Variants in ZNF397 observed in about 807,000 individuals in gnomAD.
ZNF397 encodes the protein zinc finger protein 397.
In ZNF397, 38 loss-of-function variants were observed where a neutral mutation model predicts 50.6. The observed-to-expected ratio is 0.75, with a 90% confidence interval of 0.58 to 0.98. The LOEUF is 0.98. ZNF397 is among the 50% of genes least tolerant of loss of function. ZNF397 has a pLI of 0.00. For missense variants in ZNF397, 624 were observed against 624.1 expected, an observed-to-expected ratio of 1.00 and a Z score of 0.00; for synonymous variants, 228 against 215.2, an observed-to-expected ratio of 1.06 and a Z score of -0.52.
In ZNF397 at chr18:35,242,568, A is replaced by G. The variant is rs1477673556; in HGVS notation, c.98A>G (p.Asp33Gly). The change falls in exon 2 of 4, where the codon GAT becomes GGT. Residue 33 changes from aspartate to glycine, a missense_variant. By Grantham distance (94) the Asp-to-Gly change is moderately conservative. Transcript: ENST00000330501. Reference sequence around the variant, plus strand: ...AAAGTAGAAGATAACTTTTCCTGGGATGAGAAATTTAAGCAGAATGGGAGT... The same window carrying G: ...AAAGTAGAAGATAACTTTTCCTGGGGTGAGAAATTTAAGCAGAATGGGAGT... ...LVKVEDNFSW[D>G]EKFKQNGSTQ... is the part of the protein sequence containing the mutation. 1.9e-6 allele frequency: 3 copies of G among 1,614,124 alleles called. No homozygotes were observed. Among genetic ancestry groups the G allele is most frequent in the South Asian group, 1.1e-5 (1 of 91,090 alleles).
In ZNF397 at chr18:35,242,765, C is replaced by T; in HGVS notation, c.295C>T (p.Leu99=). 6.2e-7 allele frequency: 1 copy of T among 1,614,168 alleles called. No individual in the cohort carries two copies. The highest frequency in any genetic ancestry group is 1.1e-5 in the South Asian group (1 of 91,086). The change falls in exon 2 of 4, where the codon CTG becomes TTG. Residue 99 remains leucine, a synonymous_variant. Transcript: ENST00000330501. Reference sequence around the variant, plus strand: ...AGAACTGCTGGTACTGGAGCAGTTCCTGAGCATTCTGCCTGAGGAGCTGCA... The same window carrying T: ...AGAACTGCTGGTACTGGAGCAGTTCTTGAGCATTCTGCCTGAGGAGCTGCA... ...ILELLVLEQF[L]SILPEELQIW...
intron 5 of ZNF397, among the ~76,000 whole-genome samples, chr18:35,256,019 G>A (rs2043796949): frequency 6.6e-6 from 1 of 152,148 alleles, no homozygotes; most frequent in Admixed American, 6.6e-5. Flanking sequence ...CAATATAATT[G>A]TGTAGGGACA....
chr18:35,244,912 G>A (rs1912819904), intron 3 of ZNF397, among the ~76,000 whole-genome samples: 1 of 152,142 alleles, frequency 6.6e-6, no homozygotes, highest in Non-Finnish European at 1.5e-5. Context: ...GAGGTTGCTT[G>A]AGGGAGATAT....
chr18:35,244,545 G>A (rs1194212308), intron 3 of ZNF397, among the ~76,000 whole-genome samples: 2 of 152,118 alleles, frequency 1.3e-5, no homozygotes, highest in East Asian at 3.9e-4. Context: ...ACAGAATCTG[G>A]AGGAACGCTC....
In ZNF397 at chr18:35,247,155, T is replaced by G. The variant is rs2043495798; in HGVS notation, c.*845T>G. 1.0e-6 allele frequency: 1 copy of G among 985,410 alleles called. No homozygotes were observed. Among genetic ancestry groups the G allele is most frequent in the Non-Finnish European group, 1.2e-6 (1 of 830,012 alleles). The allele number at this position is 985,410 out of a possible 1,614,324, so 61.0% of individuals were successfully genotyped here. A position where few individuals can be genotyped will look rare whatever the true frequency, so the allele number is the denominator to read the frequency against. On this transcript the variant is annotated 3_prime_UTR_variant, in exon 4 of 4. Coordinates refer to ENST00000330501, the MANE Select transcript of ZNF397 (RefSeq NM_001135178.3). ...GAGTTCCTGTTGTAGTGAGGTCTTG[T>G]CTGTCAGAGAAGTCTGGGTCTGGCC...
downstream of ZNF397, chr18:35,254,540 G>T: frequency 7.1e-7 from 1 of 1,411,528 alleles, no homozygotes; most frequent in Non-Finnish European, 9.6e-7. Context: ...GTGGCCTGGG[G>T]TAGCCAAATA....
Position 35,246,837 on chromosome 18 carries a change from T to G in ZNF397, c.*527T>G. The stretch of plus-strand genomic sequence containing the variant: ...ATTAGATAGGCATGAGAAGAAAGAA[T>G]ATAATTTACCCAAAGGTTATTTTTT... On this transcript the variant is annotated 3_prime_UTR_variant, in exon 4 of 4. Coordinates refer to ENST00000330501, the MANE Select transcript of ZNF397 (RefSeq NM_001135178.3). 1 of 985,666 alleles carries G rather than the reference T, an allele frequency of 1.0e-6. No individual in the cohort carries two copies. Among genetic ancestry groups the G allele is most frequent in the African/African-American group, 1.7e-5 (1 of 57,256 alleles). The allele number at this position is 985,666 out of a possible 1,614,324, so 61.1% of individuals were successfully genotyped here.
chr18:35,251,624 C>G (rs1423688052), downstream of ZNF397: 1 of 152,118 alleles, frequency 6.6e-6, no homozygotes, highest in Non-Finnish European at 1.5e-5. Context: ...CCCCCTTGTT[C>G]TCATGATAGT....
chr18:35,254,319 A>C (rs144391031), downstream of ZNF397: 22 of 1,613,898 alleles, frequency 1.4e-5, no homozygotes, highest in African/African-American at 2.8e-4. Flanking sequence ...ATAGCTGCTG[A>C]GGCTACACAT....
rs545134142 is a variant in ZNF397 at position 35,256,163 on chromosome 18, G to A, written c.817+1761G>A. 2.0e-5 allele frequency: 3 copies of A among 152,514 alleles called. No individual in the cohort carries two copies. The East Asian group carries it at 5.8e-4, about 29-fold the overall frequency. 9.4% of individuals were successfully genotyped at this position (152,514 alleles called of 1,614,324 possible). A position where few individuals can be genotyped will look rare whatever the true frequency, so the allele number is the denominator to read the frequency against. On this transcript the variant is annotated intron_variant, in intron 5 of 5. Transcript: ENST00000261333. Reference sequence around the variant, plus strand: ...TGTCCTCAGATGTATACATCAGGAAGACATCAAGATTTTTATTTGTTCAAC... The same window carrying A: ...TGTCCTCAGATGTATACATCAGGAAAACATCAAGATTTTTATTTGTTCAAC...
In ZNF397 at chr18:35,243,392, A is replaced by G. The variant is rs775922391; in HGVS notation, c.556+99A>G. 4 of 1,560,626 alleles carry G rather than the reference A, an allele frequency of 2.6e-6. No homozygotes were observed. In the Admixed American group the frequency reaches 6.7e-5, roughly 26 times the overall value. On this transcript the variant is annotated intron_variant, in intron 3 of 3. Transcript: ENST00000330501. ...CTTGACAAACTTGCCACATGTGAGC[A>G]TCACCTTTATTATTCTAAACCAGAG...
rs1369598639 is a variant in ZNF397, at chr18:35,243,184, A to G, written c.447A>G (p.Pro149=). 2.5e-6 allele frequency: 4 copies of G among 1,614,218 alleles called. No individual in the cohort carries two copies. In the South Asian group the frequency reaches 3.3e-5, roughly 13 times the overall value. ...VPASPQGPAV[P]WKDLTCLRAS... is the part of the protein sequence containing the mutation. ...CTAGTCCACAGGGACCAGCAGTGCC[A>G]TGGAAGGATTTAACATGTCTCAGAG... is the stretch of plus-strand genomic sequence containing the variant. Residue 149 remains proline, a synonymous_variant, in exon 3 of 4, where the codon CCA becomes CCG. Transcript: ENST00000330501.
At chr18:35,244,736 G>C (rs1402690829) in intron 3 of ZNF397, among the ~76,000 whole-genome samples, 2 of 143,014 alleles carry the variant, frequency 1.4e-5, no homozygotes. Flanking sequence ...ATCTTGATGA[G>C]AGTAGTATCA....
At chr18:35,252,150 T>C (rs1294930396), downstream of ZNF397, 4 of 152,232 alleles carry the variant, frequency 2.6e-5, no homozygotes, top group Admixed American at 2.0e-4. Flanking sequence ...GCTTTTCCTC[T>C]TCCTACTTAT....
chr18:35,243,042 C>T, intron 2 of ZNF397, 110 bp from the exon 3 acceptor site: 1 of 1,533,372 alleles, frequency 6.5e-7, no homozygotes, highest in Non-Finnish European at 8.8e-7. Flanking sequence ...TGGTCTTTTT[C>T]CCCTGTCCTT....
At position 35,242,893 on chromosome 18, in the gene ZNF397, G is replaced by A. The variant is rs756588839; in HGVS notation, c.414+9G>A. 11 of 1,587,140 alleles carry A rather than the reference G, an allele frequency of 6.9e-6. No individual in the cohort carries two copies. The highest frequency in any genetic ancestry group is 1.7e-4 in the Middle Eastern group (1 of 5,898). Reference sequence around the variant, plus strand: ...ATGACCCAGGGCAGCAGGTGGGAACGGAGAAAAGTGATGTGGGAAAAGGAA... The same window carrying A: ...ATGACCCAGGGCAGCAGGTGGGAACAGAGAAAAGTGATGTGGGAAAAGGAA... On this transcript the variant is annotated intron_variant, in intron 2 of 3. Coordinates refer to ENST00000330501, the MANE Select transcript of ZNF397 (RefSeq NM_001135178.3).
chr18:35,251,022 T>C (rs564953918), downstream of ZNF397: 3 of 152,230 alleles, frequency 2.0e-5, no homozygotes, highest in East Asian at 1.9e-4. Flanking sequence ...GTTCATGTTA[T>C]TGTGTTCCGT....
Position 35,242,776 on chromosome 18 carries a change from G to A in ZNF397, c.306G>A (p.Leu102=), listed in dbSNP as rs1338614805. The change falls in exon 2 of 4, where the codon CTG becomes CTA. Residue 102 remains leucine, a synonymous_variant. Transcript: ENST00000330501. ...TACTGGAGCAGTTCCTGAGCATTCT[G>A]CCTGAGGAGCTGCAGATCTGGGTTC... The part of the protein sequence containing the change: ...LLVLEQFLSI[L]PEELQIWVQQ... 1.2e-6 allele frequency: 2 copies of A among 1,614,074 alleles called. No homozygotes were observed. Among genetic ancestry groups the A allele is most frequent in the Non-Finnish European group, 8.5e-7 (1 of 1,180,056 alleles).
rs112071929 is a variant in ZNF397 at position 35,243,106 on chromosome 18, T to G, written c.415-46T>G. 5.0e-6 allele frequency: 8 copies of G among 1,610,926 alleles called. No individual in the cohort carries two copies. In the African/African-American group the frequency reaches 8.0e-5, roughly 16 times the overall value. ...TTTGAGATTTTTACTAAGCAAGTTT[T>G]CTTAGGGATTTTCTCACAAAGCTAA... On this transcript the variant is annotated intron_variant, in intron 2 of 3. Transcript: ENST00000330501.
Sources: allele counts gnomAD v4.1 joint callset (sites outside exome capture counted in the v4.1 genomes callset), GRCh38; gene constraint gnomAD v4.1.1; transcripts MANE v1.5; gene names NCBI Gene and HGNC (gene_info 2026-07-23, HGNC 2026-07-21).